Variants in GRM5 observed in about 807,000 individuals in gnomAD.
GRM5 encodes glutamate metabotropic receptor 5.
A neutral mutation model predicts 83.1 loss-of-function variants in GRM5; 19 were observed. The observed-to-expected ratio is 0.23, with a 90% CI of 0.16 to 0.34. The LOEUF (loss-of-function observed/expected upper bound fraction) is 0.34, where lower values mean the gene tolerates loss of function less well. Among genes scored for constraint, GRM5 ranks in the 10% least tolerant of loss-of-function variants. The pLI is 1.00. For synonymous variants in GRM5, 675 were observed against 633.6 expected (o/e 1.07, Z -0.98); for missense variants, 1,160 against 1,588.3 (o/e 0.73, Z 4.58).
intron 4 of GRM5, among the ~76,000 whole-genome samples, chr11:88,625,452 C>T (rs757651991): frequency 6.6e-6 from 1 of 152,046 alleles, no homozygotes; most frequent in African/African-American, 2.4e-5. Context: ...AAGGAAAAAT[C>T]CTTAGAAAAG....
intron 3 of GRM5, among the ~76,000 whole-genome samples, chr11:88,848,779 CCTGTGT>C (rs1775866009): frequency 6.6e-6 from 1 of 152,098 alleles, no homozygotes; most frequent in South Asian, 2.1e-4. Flanking sequence ...CATTAATCTG[CCTGTGT>C]CTGTGAGAGT....
At position 88,816,010 on chromosome 11, in the gene GRM5, G is replaced by A. The variant is rs555016802; in HGVS notation, c.911+33896C>T. 5.7e-3 allele frequency among the ~76,000 whole-genome samples: 849 copies of A among 147,936 alleles called. 44 individuals carry two copies. The highest frequency in any genetic ancestry group is 0.021 in the African/African-American group (805 of 38,318). On this transcript the variant is annotated intron_variant, in intron 3 of 9. Transcript: ENST00000305447. ...GGGTGGATCATGAGGTCAGGAGATC[G>A]AGACCATCCTGGCTAACAAGGTGAA...
At chr11:88,905,839 A>T (rs1338762037) in intron 2 of GRM5, among the ~76,000 whole-genome samples, 3 of 152,180 alleles carry the variant, frequency 2.0e-5, no homozygotes, top group Admixed American at 2.0e-4. Flanking sequence ...TCTAGAGAAC[A>T]TCAACCCCGG....
intron 1 of GRM5, among the ~76,000 whole-genome samples, chr11:89,057,235 A>G (rs892494327): frequency 6.6e-6 from 1 of 152,168 alleles, no homozygotes; most frequent in Admixed American, 6.6e-5. Context: ...TATGCCATCA[A>G]TGCATCTGAT....
At chr11:88,616,450 A>T (rs541910914) in intron 4 of GRM5, among the ~76,000 whole-genome samples, 18 of 131,486 alleles carry the variant, frequency 1.4e-4, no homozygotes, top group Non-Finnish European at 1.9e-4. Flanking sequence ...TTCATTAAAA[A>T]TTTTTTACTT....
At chr11:88,553,489 G>A (rs1167823769) in intron 8 of GRM5, among the ~76,000 whole-genome samples, 1 of 152,116 alleles carries the variant, frequency 6.6e-6, no homozygotes, top group East Asian at 1.9e-4. Context: ...AATGTCTGGT[G>A]TGCCTGACTC....
intron 3 of GRM5, among the ~76,000 whole-genome samples, chr11:88,668,295 T>TCTCA (rs201662394): frequency 6.1e-5 from 5 of 81,666 alleles, no homozygotes; most frequent in Non-Finnish European, 8.9e-5. Flanking sequence ...CCCCAGAAAC[T>TCTCA]CGCACACACA....
intron 9 of GRM5, among the ~76,000 whole-genome samples, chr11:88,519,538 A>G (rs1260418330): frequency 6.6e-6 from 1 of 152,142 alleles, no homozygotes; most frequent in East Asian, 1.9e-4. Context: ...TAAGTGAGCA[A>G]TCATGCAGAT....
intron 2 of GRM5, among the ~76,000 whole-genome samples, chr11:89,012,344 C>G (rs1296289693): frequency 6.6e-6 from 1 of 152,148 alleles, no homozygotes; most frequent in African/African-American, 2.4e-5. Context: ...AGGTGCCCAG[C>G]AGGAGGAAGC....
Position 88,711,388 on chromosome 11 carries a change from G to C in GRM5, c.912-57985C>G, listed in dbSNP as rs139145888. Among the ~76,000 whole-genome samples the C allele has an allele frequency of 2.3e-3, 346 of 152,214 alleles. 3 individuals carry two copies. Among genetic ancestry groups the C allele is most frequent in the African/African-American group, 7.9e-3 (330 of 41,562 alleles). ...GTGTCAGCTCCCAAGGCACTAGCCA[G>C]GGCAAGGAAAAAGGGAGAGTGGGTC... On this transcript the variant is annotated intron_variant, in intron 3 of 9. Coordinates refer to ENST00000305447, the MANE Select transcript of GRM5 (RefSeq NM_001143831.3).
chr11:88,774,245 T>C (rs1033977971), intron 3 of GRM5, among the ~76,000 whole-genome samples: 1 of 139,696 alleles, frequency 7.2e-6, no homozygotes, highest in Non-Finnish European at 1.5e-5. Flanking sequence ...ATGATTTGGC[T>C]CTCTGTTTGT....
intron 3 of GRM5, among the ~76,000 whole-genome samples, chr11:88,737,307 T>C (rs796663625): frequency 4.6e-5 from 7 of 152,186 alleles, no homozygotes; most frequent in African/African-American, 1.7e-4. Context: ...GAATTGTCCC[T>C]GCATGTGTAG....
Position 88,878,872 on chromosome 11 carries a change from T to C in GRM5, c.662-28717A>G, listed in dbSNP as rs544005320. ...TACTGTATCATTCCATTTAGGGCTT[T>C]CTGGAAAAGACAAAACTATAGGAAT... On this transcript the variant is annotated intron_variant, in intron 2 of 9. Transcript: ENST00000305447. Among the ~76,000 whole-genome samples, 17 of 152,258 alleles carry C rather than the reference T, an allele frequency of 1.1e-4. No homozygotes were observed. In the South Asian group the frequency reaches 3.5e-3, roughly 32 times the overall value.
chr11:88,617,336 T>C (rs1938511017), intron 4 of GRM5, among the ~76,000 whole-genome samples: 1 of 151,918 alleles, frequency 6.6e-6, no homozygotes, highest in Non-Finnish European at 1.5e-5. Flanking sequence ...CTCTGAAAAA[T>C]AAGTAGTAAT....
rs541983734 is a variant in GRM5, at chr11:88,874,151, T to C, written c.662-23996A>G. On this transcript the variant is annotated intron_variant, in intron 2 of 9. Coordinates refer to ENST00000305447, the MANE Select transcript of GRM5 (RefSeq NM_001143831.3). ...ATCAAGCTTTTAAAGAAAGAAATAA[T>C]ACCAATCTTTCTGAGATGATTTAAA... Among the ~76,000 whole-genome samples, 7 of 132,228 alleles carry C rather than the reference T, an allele frequency of 5.3e-5. 1 individual carries two copies. The highest frequency in any genetic ancestry group is 2.0e-4 in the African/African-American group (7 of 35,242). 86.7% of individuals were successfully genotyped at this position (132,228 alleles called of 152,430 possible).
chr11:89,062,449 C>G (rs1479424391), intron 1 of GRM5, among the ~76,000 whole-genome samples: 1 of 152,192 alleles, frequency 6.6e-6, no homozygotes, highest in Non-Finnish European at 1.5e-5. Context: ...CAAATTAGCT[C>G]TAGCTTTGTC....
At chr11:88,627,638 A>T (rs1478908174) in intron 4 of GRM5, among the ~76,000 whole-genome samples, 1 of 151,950 alleles carries the variant, frequency 6.6e-6, no homozygotes, top group Non-Finnish European at 1.5e-5. Flanking sequence ...CTATTTCTCT[A>T]CTTGCAAAAT....
intron 3 of GRM5, among the ~76,000 whole-genome samples, chr11:88,845,725 G>GC (rs66888159): frequency 0.055 from 8,148 of 147,344 alleles, 566 homozygotes; most frequent in African/African-American, 0.12. Context: ...GAACCACCGC[G>GC]CCCCCCCCCA....
At chr11:88,608,630 T>C (rs754991992) in intron 4 of GRM5, among the ~76,000 whole-genome samples, 6 of 150,910 alleles carry the variant, frequency 4.0e-5, no homozygotes, top group Non-Finnish European at 8.8e-5. Context: ...ACTGTTCTCC[T>C]GTCTCAGCCT....
Sources: gnomAD v4.1 joint callset for allele counts (sites outside exome capture counted in the v4.1 genomes callset) on GRCh38, gnomAD v4.1.1 for gene constraint, MANE v1.5 for transcripts, NCBI Gene and HGNC (gene_info 2026-07-23, HGNC 2026-07-21) for gene names.